RBFOX1: variants seen among roughly 807,000 people sequenced by gnomAD.
RBFOX1 encodes RNA binding fox-1 homolog 1.
RBFOX1 carries 8 observed loss-of-function variants against 57.7 expected under a neutral mutation model. The observed-to-expected ratio is 0.14, with a 90% CI of 0.08 to 0.25. The LOEUF (loss-of-function observed/expected upper bound fraction) is 0.25. Among genes scored for constraint, RBFOX1 ranks in the 10% least tolerant of loss-of-function variants. The pLI is 1.00. For missense variants in RBFOX1, 611 were observed against 548.5 expected, an observed-to-expected ratio of 1.11 and a Z score of -1.14; for synonymous variants, 326 against 222.4, an observed-to-expected ratio of 1.47 and a Z score of -4.15.
intron 4 of RBFOX1, among the ~76,000 whole-genome samples, chr16:7,299,700 T>A (rs2095984639): frequency 6.6e-6 from 1 of 152,158 alleles, no homozygotes; most frequent in Admixed American, 6.5e-5. Context: ...AGAGGGACCA[T>A]CAGGGGTTGA....
At chr16:7,686,106 G>C (rs2076006112) in intron 14 of RBFOX1, among the ~76,000 whole-genome samples, 1 of 151,860 alleles carries the variant, frequency 6.6e-6, no homozygotes, top group South Asian at 2.1e-4. Context: ...GCCCCTCTAA[G>C]AGATCCTGAC....
intron 5 of RBFOX1, among the ~76,000 whole-genome samples, chr16:7,567,810 C>CATATAT (rs2092265847): frequency 6.8e-6 from 1 of 147,326 alleles, no homozygotes; most frequent in African/African-American, 2.5e-5. Flanking sequence ...TATATATCCC[C>CATATAT]ATATATATAC....
chr16:7,392,987 C>G (rs1025906945), intron 4 of RBFOX1, among the ~76,000 whole-genome samples: 1 of 152,140 alleles, frequency 6.6e-6, no homozygotes, highest in Non-Finnish European at 1.5e-5. Context: ...GATTTTCCTG[C>G]TTCAGCCTCC....
chr16:5,282,594 T>C (rs1318414346), intron 1 of RBFOX1, among the ~76,000 whole-genome samples: 1 of 135,274 alleles, frequency 7.4e-6, no homozygotes, highest in African/African-American at 2.7e-5. Context: ...GTGACTCCTA[T>C]TATGTTTTAG....
intron 3 of RBFOX1, among the ~76,000 whole-genome samples, chr16:6,707,478 G>GTTTTTTTTTTTTTTTTTTTTTTTTTT (rs61418784): frequency 7.8e-6 from 1 of 128,310 alleles, no homozygotes. Context: ...TCCCATTTTT[G>GTTTTTTTTTTTTTTTTTTTTTTTTTT]TTTTTTTTTT....
chr16:5,926,515 C>T (rs2058944244), intron 4 of RBFOX1, among the ~76,000 whole-genome samples: 1 of 152,248 alleles, frequency 6.6e-6, no homozygotes, highest in African/African-American at 2.4e-5. Flanking sequence ...ATCATTATCC[C>T]ATGCCAATGT....
intron 4 of RBFOX1, among the ~76,000 whole-genome samples, chr16:7,350,487 A>C (rs571677992): frequency 6.6e-6 from 1 of 152,288 alleles, no homozygotes; most frequent in South Asian, 2.1e-4. Flanking sequence ...GGGAAATGGC[A>C]AACCCCTGCA....
chr16:6,366,463 A>T (rs933472519), intron 2 of RBFOX1, among the ~76,000 whole-genome samples: 2 of 152,130 alleles, frequency 1.3e-5, no homozygotes, highest in African/African-American at 2.4e-5. Flanking sequence ...ATGTTGAACA[A>T]CCCAGAATAA....
In RBFOX1 at chr16:6,749,173, C is replaced by G. The variant is rs186717930; in HGVS notation, c.-16+94523C>G. On this transcript the variant is annotated intron_variant, in intron 3 of 15. Coordinates refer to ENST00000550418, the MANE Select transcript of RBFOX1 (RefSeq NM_018723.4). Reference sequence around the variant, plus strand: ...CGAGAGAAAAAGTTATGGTCTCAGGCAGATCTGAGTTTGGATCCTGCTCTG... The same window carrying G: ...CGAGAGAAAAAGTTATGGTCTCAGGGAGATCTGAGTTTGGATCCTGCTCTG... 3.9e-5 allele frequency among the ~76,000 whole-genome samples: 6 copies of G among 152,294 alleles called. No homozygotes were observed. The East Asian group carries it at 9.6e-4, about 24-fold the overall frequency.
At chr16:5,360,761 CTG>C (rs1410279440) in intron 1 of RBFOX1, among the ~76,000 whole-genome samples, 2 of 152,218 alleles carry the variant, frequency 1.3e-5, no homozygotes, top group Non-Finnish European at 2.9e-5. Flanking sequence ...ACAGCTGAAA[CTG>C]TCTTTTCAGG....
Position 7,709,583 on chromosome 16 carries a change from C to G in RBFOX1, c.1071+452C>G, listed in dbSNP as rs1449307119. 22 of 1,529,238 alleles carry G rather than the reference C, an allele frequency of 1.4e-5. No homozygotes were observed. The Middle Eastern group carries it at 6.7e-4, about 46-fold the overall frequency. 94.7% of individuals were successfully genotyped at this position (1,529,238 alleles called of 1,614,324 possible). On this transcript the variant is annotated intron_variant, in intron 15 of 15. Coordinates refer to ENST00000550418, the MANE Select transcript of RBFOX1 (RefSeq NM_018723.4). ...TGTCAGGCAGCTGAGAATCTGACTG[C>G]CTCTCCTCCCCTATTACAATTCATG...
At chr16:5,656,344 G>T (rs2049430175) in intron 3 of RBFOX1, among the ~76,000 whole-genome samples, 1 of 152,060 alleles carries the variant, frequency 6.6e-6, no homozygotes, top group South Asian at 2.1e-4. Flanking sequence ...TATTTTTGTT[G>T]TTAATATAAT....
At chr16:7,360,616 G>A (rs1568407001) in intron 4 of RBFOX1, among the ~76,000 whole-genome samples, 1 of 152,138 alleles carries the variant, frequency 6.6e-6, no homozygotes, top group Non-Finnish European at 1.5e-5. Flanking sequence ...CACAACAAAG[G>A]CAAAGGAATT....
At chr16:6,210,443 A>G (rs1312129200) in intron 1 of RBFOX1, among the ~76,000 whole-genome samples, 4 of 151,804 alleles carry the variant, frequency 2.6e-5, no homozygotes, top group Non-Finnish European at 5.9e-5. Context: ...GAAATCTTAC[A>G]AAGGGATCAG....
chr16:7,217,199 G>C (rs934303432), intron 4 of RBFOX1, among the ~76,000 whole-genome samples: 7 of 151,066 alleles, frequency 4.6e-5, no homozygotes, highest in African/African-American at 1.7e-4. Context: ...CCGCCTTCCG[G>C]ATTGAAGAGA....
At chr16:7,007,181 C>A (rs763925657) in intron 3 of RBFOX1, among the ~76,000 whole-genome samples, 3 of 152,200 alleles carry the variant, frequency 2.0e-5, no homozygotes, top group Non-Finnish European at 2.9e-5. Flanking sequence ...TTCCTTGCAG[C>A]TGTAAAGCTG....
At chr16:5,837,797 T>A (rs1313617069) in intron 3 of RBFOX1, among the ~76,000 whole-genome samples, 2 of 152,128 alleles carry the variant, frequency 1.3e-5, no homozygotes, top group African/African-American at 4.8e-5. Context: ...GAAGGCAGGG[T>A]GCTTATCTCA....
intron 3 of RBFOX1, among the ~76,000 whole-genome samples, chr16:6,955,434 C>A (rs529238500): frequency 1.3e-5 from 2 of 151,704 alleles, no homozygotes; most frequent in East Asian, 1.9e-4. Context: ...TTTATGAGAA[C>A]GTTGTTCTGT....
chr16:5,557,252 T>G (rs2045713232), intron 2 of RBFOX1, among the ~76,000 whole-genome samples: 1 of 148,270 alleles, frequency 6.7e-6, no homozygotes, highest in Non-Finnish European at 1.5e-5. Context: ...AGAGTGAGAC[T>G]CCATCTCAAT....
Sources: allele counts gnomAD v4.1 joint callset (sites outside exome capture counted in the v4.1 genomes callset), GRCh38; gene constraint gnomAD v4.1.1; transcripts MANE v1.5; gene names NCBI Gene and HGNC (gene_info 2026-07-23, HGNC 2026-07-21).